Variants in TRA2A observed in about 807,000 individuals in gnomAD.
TRA2A encodes transformer 2 alpha homolog.
A neutral mutation model predicts 45.7 loss-of-function variants in TRA2A; 31 were observed. The ratio of observed to expected loss-of-function variants is 0.68; its 90% CI spans 0.51 to 0.92. The LOEUF (loss-of-function observed/expected upper bound fraction) is 0.92, where lower values mean the gene tolerates loss of function less well. TRA2A is among the 40% of genes least tolerant of loss of function. The probability of loss-of-function intolerance (pLI) is 0.00; values close to 1 mark genes in which losing one functional copy is unlikely to be tolerated. For missense variants in TRA2A, 304 were observed against 367.5 expected (o/e 0.83, Z 1.41); for synonymous variants, 132 against 126.2 (o/e 1.05, Z -0.31).
intron 2 of TRA2A, among the ~76,000 whole-genome samples, chr7:23,520,580 T>C (rs532101856): frequency 4.6e-5 from 7 of 152,288 alleles, no homozygotes; most frequent in Non-Finnish European, 1.0e-4. Flanking sequence ...AACTGATTTT[T>C]CTGTCTCATG....
At chr7:23,514,777 C>T (rs947280890) in intron 3 of TRA2A, among the ~76,000 whole-genome samples, 3 of 151,988 alleles carry the variant, frequency 2.0e-5, no homozygotes, top group Admixed American at 6.6e-5. Context: ...CATTCTTTAG[C>T]GAGGATATTC....
At chr7:23,524,850 C>T (rs370433388) in intron 1 of TRA2A, among the ~76,000 whole-genome samples, 31 of 152,094 alleles carry the variant, frequency 2.0e-4, no homozygotes, top group African/African-American at 7.0e-4. Flanking sequence ...CGCCATCACA[C>T]CCAGCTAATT....
chr7:23,517,547 C>A (rs1405561569), intron 2 of TRA2A, among the ~76,000 whole-genome samples: 1 of 143,970 alleles, frequency 6.9e-6, no homozygotes, highest in Non-Finnish European at 1.5e-5. Context: ...GAGGACAAGT[C>A]TAGCCCAGGC....
intron 1 of TRA2A, among the ~76,000 whole-genome samples, chr7:23,528,955 C>T (rs554796877): frequency 6.6e-6 from 1 of 152,158 alleles, no homozygotes; most frequent in African/African-American, 2.4e-5. Flanking sequence ...TCTGGAATTA[C>T]AAGATAGGTC....
intron 4 of TRA2A, among the ~76,000 whole-genome samples, chr7:23,511,284 T>C (rs1435222148): frequency 7.0e-6 from 1 of 143,870 alleles, no homozygotes; most frequent in Non-Finnish European, 1.5e-5. Flanking sequence ...GGCAGGAGAA[T>C]GGCATGAACC....
chr7:23,531,902 T>A lies in TRA2A; in HGVS notation c.-78A>T, dbSNP rs1182445361. Reference sequence around the variant, plus strand: ...CCGATGGCCTAATTAACCCGCTGACTGGACCGTGGGGAAGAGGAAAGAGTC... The same window carrying A: ...CCGATGGCCTAATTAACCCGCTGACAGGACCGTGGGGAAGAGGAAAGAGTC... On this transcript the variant is annotated 5_prime_UTR_variant, in exon 1 of 8. Coordinates refer to ENST00000297071, the MANE Select transcript of TRA2A (RefSeq NM_013293.5). The A allele has an allele frequency of 6.6e-7, 1 of 1,522,760 alleles. No homozygotes were observed. The highest frequency in any genetic ancestry group is 9.1e-7 in the Non-Finnish European group (1 of 1,104,030). 94.3% of individuals were successfully genotyped at this position (1,522,760 alleles called of 1,614,324 possible).
rs549683256 is a variant in TRA2A, at chr7:23,511,824, T to C, written c.525+1070A>G. Among the ~76,000 whole-genome samples, 8 of 152,360 alleles carry C rather than the reference T, an allele frequency of 5.3e-5. No homozygotes were observed. In the South Asian group the frequency reaches 1.7e-3, roughly 32 times the overall value. On this transcript the variant is annotated intron_variant, in intron 4 of 7. Coordinates refer to ENST00000297071, the MANE Select transcript of TRA2A (RefSeq NM_013293.5). ...GATTAGTTCATTGTGTTAGGCAAGT[T>C]AAGAATAGCACTAAAAAATTATCAA... is the stretch of plus-strand genomic sequence containing the variant.
rs556630570 is a variant in TRA2A at position 23,520,062 on chromosome 7, A to T, written c.170+1645T>A. Among the ~76,000 whole-genome samples the T allele has an allele frequency of 1.1e-3, 160 of 152,302 alleles. 2 individuals are homozygous for T. The highest frequency in any genetic ancestry group is 1.9e-3 in the Non-Finnish European group (129 of 68,016). On this transcript the variant is annotated intron_variant, in intron 2 of 7. Coordinates refer to ENST00000297071, the MANE Select transcript of TRA2A (RefSeq NM_013293.5). Reference sequence around the variant, plus strand: ...GCCAACATGGTGAAACCTCGTTTCTACTAAAAATACAAAAAATTAGCCAGG... The same window carrying T: ...GCCAACATGGTGAAACCTCGTTTCTTCTAAAAATACAAAAAATTAGCCAGG...
intron 4 of TRA2A, among the ~76,000 whole-genome samples, chr7:23,509,166 A>C (rs947011766): frequency 6.6e-6 from 1 of 152,136 alleles, no homozygotes; most frequent in Non-Finnish European, 1.5e-5. Flanking sequence ...TACATCACAT[A>C]AATGTCTGCA....
intron 1 of TRA2A, among the ~76,000 whole-genome samples, chr7:23,524,334 C>T (rs1790255350): frequency 6.6e-6 from 1 of 152,006 alleles, no homozygotes; most frequent in Non-Finnish European, 1.5e-5. Flanking sequence ...CAGGCATGCA[C>T]CACCTTGCCT....
intron 1 of TRA2A, among the ~76,000 whole-genome samples, chr7:23,528,053 T>C (rs563332932): frequency 2.0e-5 from 3 of 152,286 alleles, no homozygotes; most frequent in African/African-American, 7.2e-5. Flanking sequence ...ATCCCTACTA[T>C]AAGAAAGAAA....
intron 1 of TRA2A, among the ~76,000 whole-genome samples, chr7:23,523,250 C>A (rs1225313640): frequency 6.6e-6 from 1 of 151,980 alleles, no homozygotes; most frequent in African/African-American, 2.4e-5. Flanking sequence ...ACTGGTACTC[C>A]CTTCAGTGAC....
intron 1 of TRA2A, 187 bp from the exon 2 acceptor site, chr7:23,522,027 C>G: frequency 7.2e-7 from 1 of 1,397,772 alleles, no homozygotes; most frequent in Non-Finnish European, 9.3e-7. Context: ...CAATAATTCC[C>G]TACTTGAACC....
Position 23,516,467 on chromosome 7 carries a change from G to A in TRA2A, c.232C>T (p.His78Tyr), listed in dbSNP as rs1274472893. 6.2e-7 allele frequency: 1 copy of A among 1,614,236 alleles called. No individual in the cohort carries two copies. Among genetic ancestry groups the A allele is most frequent in the Non-Finnish European group, 8.5e-7 (1 of 1,180,024 alleles). ...GATCTACTTCGAGATCGTCTCCTAT[G>A]AGAGTGAGAGTGGGATCTGGATCGA... The part of the protein sequence containing the change: ...YTRSRSHSHS[H>Y]RRRSRSRSYT... The change falls in exon 3 of 8, where the codon CAT becomes TAT. Residue 78 changes from histidine (H) to tyrosine (Y), a missense_variant. Physicochemically the swap from His to Tyr is moderately conservative, Grantham distance 83 (BLOSUM62 2). Transcript: ENST00000297071.
In TRA2A at chr7:23,506,203, A is replaced by T. The variant is rs1172172751; in HGVS notation, c.705T>A (p.Asp235Glu). Reference protein sequence around the residue: ...GGGGGGGRRRDSYYDRGYDRG... With the variant: ...GGGGGGGRRRESYYDRGYDRG... ...GATCATATCCTCTATCATAGTAAGAATCTCGACGTCTGCCACCACCTCCAC... is the reference window on the plus strand; with the variant it reads ...GATCATATCCTCTATCATAGTAAGATTCTCGACGTCTGCCACCACCTCCAC... Residue 235 changes from aspartate to glutamate, a missense_variant, in exon 6 of 8, where the codon GAT becomes GAA. Transcript: ENST00000297071. 1 of 1,613,666 alleles carries T rather than the reference A, an allele frequency of 6.2e-7. No homozygotes were observed. Among genetic ancestry groups the T allele is most frequent in the Middle Eastern group, 1.7e-4 (1 of 6,058 alleles).
intron 3 of TRA2A, among the ~76,000 whole-genome samples, chr7:23,514,998 C>G (rs1210192016): frequency 1.3e-5 from 2 of 152,102 alleles, no homozygotes; most frequent in African/African-American, 4.8e-5. Context: ...AAAACTAAAA[C>G]TCCTTCAATG....
chr7:23,512,522 A>C (rs1407156414), intron 4 of TRA2A, among the ~76,000 whole-genome samples: 2 of 152,022 alleles, frequency 1.3e-5, no homozygotes, highest in Non-Finnish European at 2.9e-5. Context: ...ACAGTGGCGC[A>C]ATCTCGGCTC....
rs777556731 is a variant in TRA2A at position 23,505,500 on chromosome 7, T to TAAAA, written c.*55_*58dup. On this transcript the variant is annotated 3_prime_UTR_variant, in exon 8 of 8. Transcript: ENST00000297071. ...CCACAGCTTGGGGAAATCTCAGAAT[T>TAAAA]AAAAAAAAAAAAAAAAAAAAGAGGA... 1,425 of 349,288 alleles carry TAAAA rather than the reference T, an allele frequency of 4.1e-3. 4 individuals carry two copies. The highest frequency in any genetic ancestry group is 0.012 in the African/African-American group (231 of 18,604). 21.6% of individuals were successfully genotyped at this position (349,288 alleles called of 1,614,324 possible). A position where few individuals can be genotyped will look rare whatever the true frequency, so the allele number is the denominator to read the frequency against.
chr7:23,526,237 A>G (rs937591164), intron 1 of TRA2A, among the ~76,000 whole-genome samples: 1 of 152,206 alleles, frequency 6.6e-6, no homozygotes, highest in African/African-American at 2.4e-5. Flanking sequence ...CACAATATAT[A>G]TATGTGCTAT....
Sources: allele counts gnomAD v4.1 joint callset (sites outside exome capture counted in the v4.1 genomes callset), GRCh38; gene constraint gnomAD v4.1.1; transcripts MANE v1.5; gene names NCBI Gene and HGNC (gene_info 2026-07-23, HGNC 2026-07-21).